The following CSPP1 variants were observed in gnomAD, a reference collection of about 807,000 sequenced individuals.
CSPP1 encodes centrosome and spindle pole associated protein 1.
A neutral mutation model predicts 164.4 loss-of-function variants in CSPP1; 126 were observed. The ratio of observed to expected loss-of-function variants is 0.77; its 90% CI spans 0.66 to 0.89. The LOEUF is 0.89. Among genes scored for constraint, CSPP1 ranks in the 40% least tolerant of loss-of-function variants. The pLI is 0.00. For missense variants in CSPP1, 1,395 were observed against 1,449.8 expected, an observed-to-expected ratio of 0.96 and a Z score of 0.61; for synonymous variants, 472 against 476.7, an observed-to-expected ratio of 0.99 and a Z score of 0.13.
intron 3 of CSPP1, 72 bp from the exon 4 acceptor site, chr8:67,085,935 C>T: frequency 1.3e-6 from 1 of 753,100 alleles, no homozygotes; most frequent in Non-Finnish European, 2.4e-6. Context: ...TCTTACTGTG[C>T]TTTGTTACAG....
At chr8:67,194,186 A>G (rs975880359) in intron 30 of CSPP1, among the ~76,000 whole-genome samples, 2 of 152,196 alleles carry the variant, frequency 1.3e-5, no homozygotes, top group Non-Finnish European at 2.9e-5. Context: ...ACCCTTTTCT[A>G]TACCAGTGCT....
intron 16 of CSPP1, among the ~76,000 whole-genome samples, chr8:67,136,740 G>A (rs779839025): frequency 2.0e-5 from 3 of 151,990 alleles, no homozygotes; most frequent in Non-Finnish European, 4.4e-5. Context: ...AGTAGGTCTG[G>A]TAAGGTTGAG....
chr8:67,172,335 A>G lies in CSPP1; in HGVS notation c.2829-81A>G, dbSNP rs780119526. On this transcript the variant is annotated intron_variant, in intron 24 of 30. Coordinates refer to ENST00000678616, the MANE Select transcript of CSPP1 (RefSeq NM_001382391.1). ...TAATATGATGTGGTGAAAAAGACCA[A>G]ATTTCTTTTACAGTGAATTAGATGT... is the stretch of plus-strand genomic sequence containing the variant. 13 of 1,182,926 alleles carry G rather than the reference A, an allele frequency of 1.1e-5. No homozygotes were observed. The African/African-American group carries it at 1.2e-4, about 11-fold the overall frequency. The allele number at this position is 1,182,926 out of a possible 1,614,324, so 73.3% of individuals were successfully genotyped here.
chr8:67,102,401 C>T (rs976133632), intron 7 of CSPP1, among the ~76,000 whole-genome samples: 3 of 152,022 alleles, frequency 2.0e-5, no homozygotes, highest in African/African-American at 7.2e-5. Flanking sequence ...ACTATCCTGG[C>T]CAACATGGTG....
chr8:67,122,120 G>T (rs954582808), intron 15 of CSPP1, among the ~76,000 whole-genome samples: 1 of 150,566 alleles, frequency 6.6e-6, no homozygotes, highest in Admixed American at 6.6e-5. Context: ...GAGCCTTCTT[G>T]TTGGTCAGTG....
rs186479021 is a variant in CSPP1, at chr8:67,193,305, C to T, written c.3331-159C>T. 4.9e-4 allele frequency among the ~76,000 whole-genome samples: 75 copies of T among 152,274 alleles called. 1 individual carries two copies. Among genetic ancestry groups the T allele is most frequent in the South Asian group, 2.9e-3 (14 of 4,826 alleles). On this transcript the variant is annotated intron_variant, in intron 29 of 30. Coordinates refer to ENST00000678616, the MANE Select transcript of CSPP1 (RefSeq NM_001382391.1). Reference sequence around the variant, plus strand: ...AGAGATGGGGTTTCACCATGTTTGCCAGGCTGGTCTTGAACTCCTGACTTC... The same window carrying T: ...AGAGATGGGGTTTCACCATGTTTGCTAGGCTGGTCTTGAACTCCTGACTTC...
chr8:67,146,125 T>TC (rs1219980861), intron 17 of CSPP1, among the ~76,000 whole-genome samples: 1 of 148,292 alleles, frequency 6.7e-6, no homozygotes, highest in African/African-American at 2.5e-5. Context: ...TACTTTTCTT[T>TC]TTTTTTTTTT....
intron 17 of CSPP1, among the ~76,000 whole-genome samples, chr8:67,145,220 A>G (rs1343758605): frequency 1.3e-5 from 2 of 152,112 alleles, no homozygotes; most frequent in South Asian, 2.1e-4. Context: ...GAAATTATTC[A>G]TTTTATTTAT....
intron 5 of CSPP1, among the ~76,000 whole-genome samples, chr8:67,092,743 G>C (rs978869224): frequency 3.3e-5 from 5 of 152,106 alleles, no homozygotes; most frequent in African/African-American, 1.2e-4. Context: ...GCTCCCAGCT[G>C]ACCTAGTTTC....
intron 24 of CSPP1, among the ~76,000 whole-genome samples, chr8:67,170,553 A>C (rs2129565888): frequency 6.6e-6 from 1 of 152,314 alleles, no homozygotes; most frequent in East Asian, 1.9e-4. Context: ...CAAACTGCTA[A>C]TAAATAACAG....
intron 9 of CSPP1, among the ~76,000 whole-genome samples, chr8:67,107,983 GT>G (rs34204898): frequency 1.8e-4 from 23 of 127,128 alleles, no homozygotes; most frequent in African/African-American, 3.9e-4. Flanking sequence ...CTTTGACAAA[GT>G]TTTTTTTTTT....
Position 67,118,945 on chromosome 8 carries a change from A to G in CSPP1, c.1697+124A>G, listed in dbSNP as rs960067648. The G allele has an allele frequency of 8.4e-5, 55 of 655,850 alleles. No individual in the cohort carries two copies. In the African/African-American group the frequency reaches 9.1e-4, roughly 11 times the overall value. 40.6% of individuals were successfully genotyped at this position (655,850 alleles called of 1,614,324 possible). On this transcript the variant is annotated intron_variant, in intron 15 of 30. Transcript: ENST00000678616. The stretch of plus-strand genomic sequence containing the variant: ...TTTAGTGGTATTTAATATTTTCATA[A>G]TGTGCAACCATCACCACAATCCATC...
chr8:67,138,013 GT>G (rs1822700505), intron 17 of CSPP1, among the ~76,000 whole-genome samples: 1 of 152,138 alleles, frequency 6.6e-6, no homozygotes, highest in Non-Finnish European at 1.5e-5. Context: ...GGGATTTTGT[GT>G]TTAATTTATC....
In CSPP1 at chr8:67,170,502, A is replaced by C. The variant is rs116853170; in HGVS notation, c.2829-1914A>C. Among the ~76,000 whole-genome samples the C allele has an allele frequency of 7.7e-4, 117 of 152,164 alleles. 3 individuals carry two copies. The East Asian group carries it at 0.019, about 24-fold the overall frequency. On this transcript the variant is annotated intron_variant, in intron 24 of 30. Coordinates refer to ENST00000678616, the MANE Select transcript of CSPP1 (RefSeq NM_001382391.1). ...TTCTGTTGTTCACCGTAAGACTATAAGGGGTAGACATCTGCATTTTACAGA... is the reference window on the plus strand; with the variant it reads ...TTCTGTTGTTCACCGTAAGACTATACGGGGTAGACATCTGCATTTTACAGA...
chr8:67,194,169 C>A (rs567399391), intron 30 of CSPP1, among the ~76,000 whole-genome samples: 1 of 152,186 alleles, frequency 6.6e-6, no homozygotes. Context: ...CCTGCCAGCC[C>A]TACACCACCC....
chr8:67,111,755 G>T (rs1287395814), intron 9 of CSPP1, among the ~76,000 whole-genome samples: 2 of 152,114 alleles, frequency 1.3e-5, no homozygotes, highest in Non-Finnish European at 1.5e-5. Context: ...AGAGGCATGG[G>T]CATGATTACT....
At chr8:67,107,647 A>G (rs1364190927) in intron 9 of CSPP1, among the ~76,000 whole-genome samples, 1 of 152,214 alleles carries the variant, frequency 6.6e-6, no homozygotes, top group African/African-American at 2.4e-5. Flanking sequence ...GAGACAGGAC[A>G]TTCCATCTTC....
chr8:67,070,064 A>C (rs1249248707), intron 1 of CSPP1, among the ~76,000 whole-genome samples: 1 of 151,960 alleles, frequency 6.6e-6, no homozygotes, highest in Non-Finnish European at 1.5e-5. Context: ...TTTAGGGAAG[A>C]TTAGAGGATT....
chr8:67,177,608 A>G, intron 26 of CSPP1, 72 bp from the exon 27 acceptor site: 2 of 933,592 alleles, frequency 2.1e-6, no homozygotes, highest in Non-Finnish European at 3.4e-6. Flanking sequence ...CAAAAAAGAT[A>G]TTCTAAAATT....
Sources: gnomAD v4.1 joint callset for allele counts (sites outside exome capture counted in the v4.1 genomes callset) on GRCh38, gnomAD v4.1.1 for gene constraint, MANE v1.5 for transcripts, NCBI Gene and HGNC (gene_info 2026-07-23, HGNC 2026-07-21) for gene names.